DNAH8: variants seen among roughly 807,000 people sequenced by gnomAD.
DNAH8 encodes axonemal beta dynein heavy chain 8.
In DNAH8, 382 loss-of-function variants were observed where a neutral mutation model predicts 562.1. The observed-to-expected ratio is 0.68, with a 90% CI of 0.63 to 0.74. The LOEUF (loss-of-function observed/expected upper bound fraction) is 0.74. Ranked by LOEUF, DNAH8 falls within the 30% of genes least tolerant of loss-of-function variation. The pLI, the probability that DNAH8 is intolerant of heterozygous loss-of-function variation, is 0.00. For synonymous variants in DNAH8, 1,881 were observed against 1,919.4 expected (o/e 0.98, Z 0.52); for missense variants, 5,203 against 5,620.4 (o/e 0.93, Z 2.37).
intron 91 of DNAH8, among the ~76,000 whole-genome samples, chr6:39,015,271 C>A (rs1483743159): frequency 6.6e-6 from 1 of 152,016 alleles, no homozygotes; most frequent in East Asian, 1.9e-4. Flanking sequence ...TTTTTTCATT[C>A]AAAATATAAC....
intron 48 of DNAH8, among the ~76,000 whole-genome samples, chr6:38,870,004 T>C (rs9349102): frequency 0.43 from 65,728 of 151,764 alleles, 15,167 homozygotes; most frequent in East Asian, 0.84. Flanking sequence ...TGCTGGGAGG[T>C]GAATGAGGAG....
At chr6:38,981,206 A>G (rs1764014038) in intron 85 of DNAH8, among the ~76,000 whole-genome samples, 1 of 152,204 alleles carries the variant, frequency 6.6e-6, no homozygotes, top group African/African-American at 2.4e-5. Flanking sequence ...GGGTCTAGGA[A>G]CTAATCTAAT....
Position 38,917,908 on chromosome 6 carries a change from A to G in DNAH8, c.10309-17A>G, listed in dbSNP as rs1246194470. On this transcript the variant is annotated splice_polypyrimidine_tract_variant and intron_variant, in intron 69 of 92. Coordinates refer to ENST00000327475, the MANE Select transcript of DNAH8 (RefSeq NM_001206927.2). ...TATTTTCTTCCAGAACTTACAGGTT[A>G]TAATACTATTTTTCAGTTGATGAGT... is the stretch of plus-strand genomic sequence containing the variant. The G allele has an allele frequency of 1.3e-6, 2 of 1,585,554 alleles. No homozygotes were observed. The highest frequency in any genetic ancestry group is 8.6e-7 in the Non-Finnish European group (1 of 1,160,750).
chr6:38,969,537 G>A (rs1343447732), intron 82 of DNAH8, among the ~76,000 whole-genome samples: 1 of 152,028 alleles, frequency 6.6e-6, no homozygotes, highest in South Asian at 2.1e-4. Flanking sequence ...AACAAGGTCC[G>A]TCAGGAAAGT....
In DNAH8 at chr6:38,737,960, A is replaced by G. The variant is rs1456694461; in HGVS notation, c.1104A>G (p.Lys368=). 4 of 1,611,014 alleles carry G rather than the reference A, an allele frequency of 2.5e-6. No individual in the cohort carries two copies. ...AGGAAGTGCTGATGGTATGGTACAA[A>G]CAGATCGAACAGGTGAATTGACTCA... is the stretch of plus-strand genomic sequence containing the variant. ...QLEEVLMVWY[K]QIEQVLIESE... is the part of the protein sequence containing the mutation. Residue 368 remains lysine, a synonymous_variant, in exon 7 of 93, where the codon AAA becomes AAG. Coordinates refer to ENST00000327475, the MANE Select transcript of DNAH8 (RefSeq NM_001206927.2).
chr6:38,938,901 A>C lies in DNAH8; in HGVS notation c.11920A>C (p.Lys3974Gln), dbSNP rs1472969692. 6.2e-7 allele frequency: 1 copy of C among 1,613,966 alleles called. No homozygotes were observed. The highest frequency in any genetic ancestry group is 1.1e-5 in the South Asian group (1 of 91,066). ...YSVRGLYENH[K>Q]FLFVLLMTLK... ...TGTCAGAGGCCTATACGAAAACCACAAATTCCTGTTTGTACTCCTCATGAC... is the reference window on the plus strand; with the variant it reads ...TGTCAGAGGCCTATACGAAAACCACCAATTCCTGTTTGTACTCCTCATGAC... The change falls in exon 79 of 93, where the codon AAA becomes CAA. Residue 3974 changes from lysine to glutamine, a missense_variant. Physicochemically the swap from Lys to Gln is moderately conservative, Grantham distance 53. Coordinates refer to ENST00000327475, the MANE Select transcript of DNAH8 (RefSeq NM_001206927.2).
chr6:38,753,697 A>T (rs1765663978), intron 9 of DNAH8, among the ~76,000 whole-genome samples: 1 of 152,194 alleles, frequency 6.6e-6, no homozygotes, highest in Non-Finnish European at 1.5e-5. Context: ...GATTCAAAAG[A>T]CTTGTTTTAA....
At chr6:38,851,103 G>A (rs1259836570) in intron 38 of DNAH8, among the ~76,000 whole-genome samples, 2 of 152,146 alleles carry the variant, frequency 1.3e-5, no homozygotes, top group African/African-American at 4.8e-5. Flanking sequence ...CAAGAGGATG[G>A]TGTCAGGATA....
intron 88 of DNAH8, among the ~76,000 whole-genome samples, chr6:39,005,594 GAAA>G (rs1197291347): frequency 7.9e-5 from 12 of 151,602 alleles, no homozygotes; most frequent in Admixed American, 7.9e-4. Flanking sequence ...AATAAATAAT[GAAA>G]CTGAACATAT....
At chr6:38,849,750 T>A (rs1207702561) in intron 37 of DNAH8, among the ~76,000 whole-genome samples, 2 of 152,182 alleles carry the variant, frequency 1.3e-5, no homozygotes, top group African/African-American at 4.8e-5. Context: ...ATATCATTCA[T>A]AGTAAATAGA....
At chr6:38,975,568 CCTGG>C (rs1475824681) in intron 85 of DNAH8, among the ~76,000 whole-genome samples, 1 of 152,178 alleles carries the variant, frequency 6.6e-6, no homozygotes, top group African/African-American at 2.4e-5. Flanking sequence ...TTACTAGGTT[CCTGG>C]CTGCCCAGGA....
chr6:38,717,451 G>C (rs1458283929), intron 1 of DNAH8, among the ~76,000 whole-genome samples: 2 of 152,048 alleles, frequency 1.3e-5, no homozygotes, highest in Non-Finnish European at 2.9e-5. Context: ...AGCCCTCGAA[G>C]TAGCTGGGAC....
intron 11 of DNAH8, 104 bp downstream of exon 11, chr6:38,761,907 G>C: frequency 1.8e-6 from 1 of 557,756 alleles, no homozygotes; most frequent in South Asian, 2.6e-5. Flanking sequence ...ACTTCCTACA[G>C]AGTAGTGTTG....
intron 88 of DNAH8, among the ~76,000 whole-genome samples, chr6:38,999,592 A>G (rs995916155): frequency 1.3e-5 from 2 of 152,078 alleles, no homozygotes; most frequent in East Asian, 1.9e-4. Flanking sequence ...GACTATTTAT[A>G]TATGGCACAA....
intron 8 of DNAH8, among the ~76,000 whole-genome samples, chr6:38,749,827 C>A (rs1294180753): frequency 4.6e-5 from 7 of 152,022 alleles, no homozygotes; most frequent in Non-Finnish European, 5.9e-5. Flanking sequence ...GAATAATGTT[C>A]TTTTTTATTT....
intron 88 of DNAH8, among the ~76,000 whole-genome samples, chr6:38,992,120 C>T (rs1332387662): frequency 2.0e-5 from 3 of 152,168 alleles, no homozygotes; most frequent in Admixed American, 2.0e-4. Context: ...CATGCACCAC[C>T]ACGCCTGGCT....
chr6:38,952,261 T>G lies in DNAH8; in HGVS notation c.12451+741T>G, dbSNP rs73731162. 2.2e-3 allele frequency among the ~76,000 whole-genome samples: 331 copies of G among 151,988 alleles called. 2 individuals are homozygous for G. Among genetic ancestry groups the G allele is most frequent in the African/African-American group, 7.6e-3 (314 of 41,416 alleles). ...GGGAAAGAAGTTATAAACACAGAAGTGTTTATAAGTGTGACTGAGTCAGTA... is the reference window on the plus strand; with the variant it reads ...GGGAAAGAAGTTATAAACACAGAAGGGTTTATAAGTGTGACTGAGTCAGTA... On this transcript the variant is annotated intron_variant, in intron 82 of 92. Transcript: ENST00000327475.
At chr6:39,008,489 C>T (rs1247652020) in intron 88 of DNAH8, among the ~76,000 whole-genome samples, 4 of 152,158 alleles carry the variant, frequency 2.6e-5, no homozygotes, top group African/African-American at 4.8e-5. Flanking sequence ...GAGGTGTGCC[C>T]GCTGTTCAGC....
At position 38,828,227 on chromosome 6, in the gene DNAH8, A is replaced by G; in HGVS notation, c.4127A>G (p.Lys1376Arg). 2 of 1,597,818 alleles carry G rather than the reference A, an allele frequency of 1.3e-6. No homozygotes were observed. Among genetic ancestry groups the G allele is most frequent in the South Asian group, 1.2e-5 (1 of 86,188 alleles). ...AACAGATTTGAAGTTGAAGTAACCA[A>G]AGAAGAATCAGAAGCAGTTGATACC... The part of the protein sequence containing the change: ...ILNRFEVEVT[K>R]EESEAVDTLR... The change falls in exon 30 of 93, where the codon AAA (lysine) becomes AGA (arginine). Residue 1376 changes from lysine to arginine, a missense_variant. Lys to Arg is a conservative substitution (Grantham distance 26). This residue lies in a region of DNAH8 where 2,176 missense variants were observed against 2,365.1 expected (regional missense o/e 0.92). Coordinates refer to ENST00000327475, the MANE Select transcript of DNAH8 (RefSeq NM_001206927.2).
Sources: allele counts gnomAD v4.1 joint callset (sites outside exome capture counted in the v4.1 genomes callset), GRCh38; gene constraint gnomAD v4.1.1; regional missense constraint gnomAD v4.1.1; transcripts MANE v1.5; gene names NCBI Gene and HGNC (gene_info 2026-07-23, HGNC 2026-07-21).